The following MED13 variants were observed in gnomAD, a reference collection of about 807,000 sequenced individuals.
MED13 encodes the protein mediator complex subunit 13, also known as mediator of RNA polymerase II transcription subunit 13.
Under a neutral mutation model 225.2 loss-of-function variants are expected in MED13, and 23 were observed. That is an observed-to-expected ratio of 0.10 (90% confidence interval 0.07 to 0.14). The LOEUF is 0.14. Ranked by LOEUF, MED13 falls within the 10% of genes least tolerant of loss-of-function variation. MED13 has a pLI of 1.00. For missense variants in MED13, 2,197 were observed against 2,594.5 expected (o/e 0.85, Z 3.33); for synonymous variants, 942 against 889.2 (o/e 1.06, Z -1.06).
intron 8 of MED13, among the ~76,000 whole-genome samples, chr17:62,014,559 T>G (rs1357372818): frequency 6.6e-6 from 1 of 152,064 alleles, no homozygotes; most frequent in Non-Finnish European, 1.5e-5. Flanking sequence ...TCAAAAGATC[T>G]ACCCACCTCG....
At chr17:61,947,585 T>TC in intron 28 of MED13, among the ~76,000 whole-genome samples, 1 of 152,140 alleles carries the variant, frequency 6.6e-6, no homozygotes, top group Admixed American at 6.6e-5. Context: ...CTGAAAAAAG[T>TC]AACAGGAATA....
rs995058216 is a variant in MED13 at position 61,947,811 on chromosome 17, AT to A, written c.6292-795del. 8.5e-4 allele frequency among the ~76,000 whole-genome samples: 130 copies of A among 152,136 alleles called. No individual in the cohort carries two copies. The East Asian group carries it at 0.011, about 13-fold the overall frequency. On this transcript the variant is annotated intron_variant, in intron 28 of 29. Coordinates refer to ENST00000397786, the MANE Select transcript of MED13 (RefSeq NM_005121.3). ...ACTCCACACTCCAATTAAATGAGTCATTTTTTTTATAAGTCAATATAGTATT... is the reference window on the plus strand; with the variant it reads ...ACTCCACACTCCAATTAAATGAGTCATTTTTTTATAAGTCAATATAGTATT...
Position 61,966,643 on chromosome 17 carries a change from T to G in MED13, c.4200A>C (p.Arg1400=), listed in dbSNP as rs1371482788. Residue 1400 remains arginine, a synonymous_variant, in exon 19 of 30, where the codon CGA becomes CGC. Transcript: ENST00000397786. ...GAGAAACAGGTCTATGTTGACCTAA[T>G]CGACAGGACTACAAATATACATACA... ...RDLTAIYESC[R]LGQHRPVSRL... 3 of 1,597,220 alleles carry G rather than the reference T, an allele frequency of 1.9e-6. No individual in the cohort carries two copies. Among genetic ancestry groups the G allele is most frequent in the Non-Finnish European group, 2.6e-6 (3 of 1,174,160 alleles).
At chr17:62,042,354 G>T (rs1163892950) in intron 3 of MED13, among the ~76,000 whole-genome samples, 1 of 152,072 alleles carries the variant, frequency 6.6e-6, no homozygotes, top group East Asian at 1.9e-4. Context: ...ATGAGGTCAA[G>T]AAATCAAGAC....
chr17:62,014,316 A>ATG (rs1178240573), intron 8 of MED13, among the ~76,000 whole-genome samples: 1 of 150,048 alleles, frequency 6.7e-6, no homozygotes, highest in African/African-American at 2.5e-5. Flanking sequence ...GTTTTTATAT[A>ATG]TATATATATA....
intron 3 of MED13, among the ~76,000 whole-genome samples, chr17:62,037,317 AATAAT>A (rs921829482): frequency 2.0e-5 from 3 of 152,030 alleles, no homozygotes; most frequent in African/African-American, 7.2e-5. Flanking sequence ...AAAAACTAAA[AATAAT>A]ATAACTAAAA....
Position 62,029,564 on chromosome 17 carries a change from T to G in MED13, c.1260A>C (p.Gln420His), listed in dbSNP as rs183887811. 1 of 1,614,110 alleles carries G rather than the reference T, an allele frequency of 6.2e-7. No homozygotes were observed. Among genetic ancestry groups the G allele is most frequent in the East Asian group, 2.2e-5 (1 of 44,874 alleles). Residue 420 changes from glutamine (Q) to histidine (H), a missense_variant, in exon 8 of 30, where the codon CAA becomes CAC. Physicochemically the swap from Gln to His is conservative, Grantham distance 24 (BLOSUM62 0). This residue lies in a region of MED13 where 884 missense variants were observed against 918.5 expected (regional missense o/e 0.96). Coordinates refer to ENST00000397786, the MANE Select transcript of MED13 (RefSeq NM_005121.3). ...ACCTCAAACAACTGCAATTTGTTCTTTGTGTGGCTTCAACAAAATCCCAGG... is the reference window on the plus strand; with the variant it reads ...ACCTCAAACAACTGCAATTTGTTCTGTGTGTGGCTTCAACAAAATCCCAGG... ...VASWDFVEAT[Q>H]RTNCSCLRHK...
chr17:61,977,052 C>T (rs747466834), intron 16 of MED13, among the ~76,000 whole-genome samples: 4 of 152,096 alleles, frequency 2.6e-5, no homozygotes, highest in Admixed American at 6.5e-5. Flanking sequence ...TAAACAAATC[C>T]AAACATCTAT....
chr17:61,995,671 A>G (rs2080340909), intron 9 of MED13, among the ~76,000 whole-genome samples: 1 of 152,228 alleles, frequency 6.6e-6, no homozygotes, highest in Non-Finnish European at 1.5e-5. Flanking sequence ...ACTATTTTGT[A>G]CAAATCCATT....
At chr17:61,955,305 C>T in intron 26 of MED13, 77 bp downstream of exon 26, 2 of 1,205,896 alleles carry the variant, frequency 1.7e-6, no homozygotes, top group Non-Finnish European at 2.2e-6. Context: ...AGGTAACATT[C>T]ACACGTTTCA....
At chr17:62,018,236 T>C (rs1027955983) in intron 8 of MED13, among the ~76,000 whole-genome samples, 1 of 152,184 alleles carries the variant, frequency 6.6e-6, no homozygotes, top group Non-Finnish European at 1.5e-5. Context: ...ATACTCTGCA[T>C]TGGCTGAATT....
At chr17:61,968,302 A>T (rs2080076571) in intron 17 of MED13, 44 bp from the exon 18 acceptor site, 1 of 1,287,788 alleles carries the variant, frequency 7.8e-7, no homozygotes, top group African/African-American at 1.5e-5. Context: ...TAAAAACAAG[A>T]CATGTCTCCT....
Position 61,983,029 on chromosome 17 carries a change from G to A in MED13, c.2974C>T (p.Pro992Ser). Residue 992 changes from proline (P) to serine (S), a missense_variant, in exon 16 of 30, where the codon CCT becomes TCT. By Grantham distance (74) the Pro-to-Ser change is moderately conservative. Coordinates refer to ENST00000397786, the MANE Select transcript of MED13 (RefSeq NM_005121.3). Reference sequence around the variant, plus strand: ...ATTCCTGCTCCGCTGTTACTAGGAGGTGCACTGCTAGGAGGCATCCCAAAA... The same window carrying A: ...ATTCCTGCTCCGCTGTTACTAGGAGATGCACTGCTAGGAGGCATCCCAAAA... ...TSFGMPPSSA[P>S]PSNSGAGILP... is the part of the protein sequence containing the mutation. 2 of 1,613,890 alleles carry A rather than the reference G, an allele frequency of 1.2e-6. No homozygotes were observed. Among genetic ancestry groups the A allele is most frequent in the Non-Finnish European group, 8.5e-7 (1 of 1,179,884 alleles).
In MED13 at chr17:62,048,445, G is replaced by C. The variant is rs77650851; in HGVS notation, c.470+4092C>G. On this transcript the variant is annotated intron_variant, in intron 3 of 29. Coordinates refer to ENST00000397786, the MANE Select transcript of MED13 (RefSeq NM_005121.3). ...AAAGGAAAGAAAAAGAAAGCAGAAG[G>C]AATGAAAGTTCAAAGATATTAGAGC... is the stretch of plus-strand genomic sequence containing the variant. Among the ~76,000 whole-genome samples the C allele has an allele frequency of 3.2e-3, 479 of 148,302 alleles. 3 individuals carry two copies. Among genetic ancestry groups the C allele is most frequent in the African/African-American group, 0.011 (434 of 40,414 alleles).
intron 8 of MED13, among the ~76,000 whole-genome samples, chr17:62,015,699 G>C (rs533517369): frequency 1.4e-5 from 2 of 146,448 alleles, no homozygotes; most frequent in East Asian, 2.0e-4. Context: ...TCAGCCTCCC[G>C]AGTAGCTGGG....
intron 1 of MED13, among the ~76,000 whole-genome samples, chr17:62,064,890 G>C (rs146772641): frequency 2.6e-5 from 4 of 152,228 alleles, no homozygotes; most frequent in Non-Finnish European, 4.4e-5. Flanking sequence ...TTGAGGACGA[G>C]ACTACGGTGA....
At chr17:61,995,659 A>C (rs542358295) in intron 9 of MED13, among the ~76,000 whole-genome samples, 161 of 152,350 alleles carry the variant, frequency 1.1e-3, no homozygotes, top group African/African-American at 3.7e-3. Context: ...GTCCTCAAGC[A>C]CACTATTTTG....
rs541514045 is a variant in MED13 at position 61,955,646 on chromosome 17, G to T, written c.5782+34C>A. 30 of 1,573,412 alleles carry T rather than the reference G, an allele frequency of 1.9e-5. No homozygotes were observed. The Admixed American group carries it at 2.3e-4, about 12-fold the overall frequency. On this transcript the variant is annotated intron_variant, in intron 25 of 29. Transcript: ENST00000397786. Reference sequence around the variant, plus strand: ...ATACTTAAAAACTTAACTGCATAAAGAATTAAATCTGATATAAACTAAAGA... The same window carrying T: ...ATACTTAAAAACTTAACTGCATAAATAATTAAATCTGATATAAACTAAAGA...
intron 10 of MED13, 49 bp downstream of exon 10, chr17:61,995,103 G>T: frequency 8.0e-7 from 1 of 1,257,150 alleles, no homozygotes; most frequent in Non-Finnish European, 1.2e-6. Context: ...ACTATATGCA[G>T]TGCTACAAAA....
Sources: gnomAD v4.1 joint callset for allele counts (sites outside exome capture counted in the v4.1 genomes callset) on GRCh38, gnomAD v4.1.1 for gene constraint, gnomAD v4.1.1 regional missense constraint, MANE v1.5 for transcripts, NCBI Gene and HGNC (gene_info 2026-07-23, HGNC 2026-07-21) for gene names.